Variants in DPP10 observed in about 807,000 individuals in gnomAD.
DPP10 encodes the protein inactive dipeptidyl peptidase 10.
Under a neutral mutation model 120.9 loss-of-function variants are expected in DPP10, and 33 were observed. That is an observed-to-expected ratio of 0.27 (90% CI 0.21 to 0.37). The LOEUF (loss-of-function observed/expected upper bound fraction) is 0.37. DPP10 is among the 10% of genes least tolerant of loss of function. The probability of loss-of-function intolerance (pLI) is 1.00; values close to 1 mark genes in which losing one functional copy is unlikely to be tolerated. For missense variants in DPP10, 816 were observed against 942.8 expected, an observed-to-expected ratio of 0.87 and a Z score of 1.76; for synonymous variants, 337 against 326.1, an observed-to-expected ratio of 1.03 and a Z score of -0.36.
At position 115,018,824 on chromosome 2, in the gene DPP10, C is replaced by T. The variant is rs573631104; in HGVS notation, c.61-290415C>T. Among the ~76,000 whole-genome samples the T allele has an allele frequency of 1.2e-4, 18 of 152,178 alleles. No individual in the cohort carries two copies. In the East Asian group the frequency reaches 2.3e-3, roughly 20 times the overall value. ...AGTGTATACCTATGCAACAAACCTG[C>T]GCATTCTGCACGTGTATCCCAGAAC... is the stretch of plus-strand genomic sequence containing the variant. On this transcript the variant is annotated intron_variant, in intron 1 of 25. Transcript: ENST00000410059.
chr2:115,608,652 C>T (rs1042109217), intron 5 of DPP10, among the ~76,000 whole-genome samples: 1 of 152,138 alleles, frequency 6.6e-6, no homozygotes, highest in African/African-American at 2.4e-5. Context: ...AAGCCTTTAG[C>T]ATCTCTTTCT....
chr2:115,181,440 G>A (rs1436344444), intron 1 of DPP10, among the ~76,000 whole-genome samples: 1 of 152,164 alleles, frequency 6.6e-6, no homozygotes. Context: ...CCGGTAGCTG[G>A]AAGGTCAGGA....
At chr2:115,094,562 C>T (rs192482834) in intron 1 of DPP10, among the ~76,000 whole-genome samples, 5 of 152,184 alleles carry the variant, frequency 3.3e-5, no homozygotes, top group African/African-American at 9.6e-5. Context: ...TGTTGGGTTA[C>T]GAGCGTCTTG....
intron 3 of DPP10, among the ~76,000 whole-genome samples, chr2:115,474,718 C>T (rs2074959618): frequency 9.1e-6 from 1 of 109,492 alleles, no homozygotes; most frequent in South Asian, 3.8e-4. Context: ...TGCACCCTGA[C>T]CATGTGATAG....
rs56136090 is a variant in DPP10, at chr2:115,610,511, G to GTGTA, written c.442-79173_442-79172insATGT. Among the ~76,000 whole-genome samples, 101 of 150,460 alleles carry GTGTA rather than the reference G, an allele frequency of 6.7e-4. 2 individuals carry two copies. Among genetic ancestry groups the GTGTA allele is most frequent in the Admixed American group, 2.1e-3 (31 of 15,032 alleles). ...TATGAGTGTGTGTGTGTGTGTGTGT[G>GTGTA]TGTTTTCAACATGAAGTGAAGTTTA... is the stretch of plus-strand genomic sequence containing the variant. On this transcript the variant is annotated intron_variant, in intron 5 of 25. Transcript: ENST00000410059.
chr2:115,752,828 T>C lies in DPP10; in HGVS notation c.951-346T>C, dbSNP rs530294019. ...TTGCACTTAAAGGAGTACTAATCAA[T>C]AGAAAATTTTCATAAATATCTAGCA... On this transcript the variant is annotated intron_variant, in intron 10 of 25. Transcript: ENST00000410059. 8.3e-4 allele frequency among the ~76,000 whole-genome samples: 126 copies of C among 152,268 alleles called. 1 individual carries two copies. Among genetic ancestry groups the C allele is most frequent in the African/African-American group, 2.8e-3 (116 of 41,578 alleles).
At chr2:114,980,976 G>A (rs1340716662) in intron 1 of DPP10, among the ~76,000 whole-genome samples, 5 of 148,720 alleles carry the variant, frequency 3.4e-5, no homozygotes, top group African/African-American at 9.9e-5. Context: ...CAGTTTTATC[G>A]AAATATGTTG....
At chr2:115,720,078 G>A (rs528879832) in intron 7 of DPP10, among the ~76,000 whole-genome samples, 29 of 152,264 alleles carry the variant, frequency 1.9e-4, no homozygotes, top group Non-Finnish European at 3.8e-4. Context: ...TGCTGAGTCA[G>A]ACCTATGCTC....
intron 16 of DPP10, among the ~76,000 whole-genome samples, chr2:115,782,059 A>G (rs1264955817): frequency 5.9e-5 from 9 of 152,026 alleles, no homozygotes; most frequent in East Asian, 1.9e-4. Flanking sequence ...ATAAAAGACT[A>G]GAGATAAAGA....
chr2:115,240,091 G>T (rs768252285), intron 1 of DPP10, among the ~76,000 whole-genome samples: 1 of 152,172 alleles, frequency 6.6e-6, no homozygotes, highest in African/African-American at 2.4e-5. Context: ...ATAGTAGGAT[G>T]ATTTATAATC....
intron 1 of DPP10, among the ~76,000 whole-genome samples, chr2:115,038,085 G>C (rs1439382539): frequency 6.6e-6 from 1 of 151,950 alleles, no homozygotes; most frequent in African/African-American, 2.4e-5. Context: ...GAAAATTTAA[G>C]GGATAGTGAT....
intron 5 of DPP10, among the ~76,000 whole-genome samples, chr2:115,659,260 A>G (rs1000980961): frequency 5.9e-5 from 9 of 152,108 alleles, no homozygotes; most frequent in African/African-American, 2.2e-4. Flanking sequence ...GTTCTTTATA[A>G]ATTACCTAGT....
chr2:115,453,608 A>G (rs1168389117), intron 3 of DPP10, among the ~76,000 whole-genome samples: 4 of 151,642 alleles, frequency 2.6e-5, no homozygotes, highest in Non-Finnish European at 5.9e-5. Context: ...AAAATCCAAC[A>G]TTTCAACATT....
chr2:114,483,481 T>TGCTA (rs1294683050), intron 1 of DPP10, among the ~76,000 whole-genome samples: 2 of 151,938 alleles, frequency 1.3e-5, no homozygotes, highest in East Asian at 3.9e-4. Flanking sequence ...GAGAACAAGA[T>TGCTA]GCTAACCAGG....
At chr2:115,499,749 T>C (rs1381445297) in intron 4 of DPP10, 145 bp downstream of exon 4, 1 of 504,798 alleles carries the variant, frequency 2.0e-6, no homozygotes, top group Admixed American at 4.0e-5. Context: ...TAAGAATCAG[T>C]AAATCTATTG....
In DPP10 at chr2:115,006,285, G is replaced by C. The variant is rs564316368; in HGVS notation, c.61-302954G>C. On this transcript the variant is annotated intron_variant, in intron 1 of 25. Transcript: ENST00000410059. ...ATCATGTCAAAATGTAAAGACCATCGAGACTAGGAAGAAACTGCATCAACT... is the reference window on the plus strand; with the variant it reads ...ATCATGTCAAAATGTAAAGACCATCCAGACTAGGAAGAAACTGCATCAACT... Among the ~76,000 whole-genome samples the C allele has an allele frequency of 1.1e-3, 169 of 151,984 alleles. 3 individuals are homozygous for C. Among genetic ancestry groups the C allele is most frequent in the African/African-American group, 2.9e-3 (120 of 41,430 alleles).
chr2:115,718,207 A>G (rs946099017), intron 7 of DPP10, among the ~76,000 whole-genome samples: 17 of 151,802 alleles, frequency 1.1e-4, no homozygotes, highest in African/African-American at 4.1e-4. Context: ...AAAATCAAAC[A>G]TCTATGTACA....
chr2:114,883,786 A>C (rs1307033143), intron 1 of DPP10, among the ~76,000 whole-genome samples: 1 of 152,204 alleles, frequency 6.6e-6, no homozygotes, highest in Non-Finnish European at 1.5e-5. Context: ...CCTCACTCAC[A>C]GGTCTGGCAT....
chr2:114,601,863 A>G (rs770867966), intron 1 of DPP10, among the ~76,000 whole-genome samples: 1 of 151,972 alleles, frequency 6.6e-6, no homozygotes, highest in Non-Finnish European at 1.5e-5. Flanking sequence ...CCTTAAAATT[A>G]AGGGTTATCT....
Sources: allele counts gnomAD v4.1 joint callset (sites outside exome capture counted in the v4.1 genomes callset), GRCh38; gene constraint gnomAD v4.1.1; transcripts MANE v1.5; gene names NCBI Gene and HGNC (gene_info 2026-07-23, HGNC 2026-07-21).